Variants in CAMTA1 observed in about 807,000 individuals in gnomAD.
CAMTA1 encodes calmodulin binding transcription activator 1, also known as calmodulin-binding transcription activator 1.
A neutral mutation model predicts 170.9 loss-of-function variants in CAMTA1; 27 were observed. That is an observed-to-expected ratio of 0.16 (90% CI 0.12 to 0.22). The LOEUF is 0.22. Ranked by LOEUF, CAMTA1 falls within the 10% of genes least tolerant of loss-of-function variation. The pLI is 1.00. For missense variants in CAMTA1, 1,619 were observed against 2,217.2 expected (o/e 0.73, Z 5.42); for synonymous variants, 833 against 891.5 (o/e 0.93, Z 1.17).
At chr1:6,842,284 C>T (rs950761452) in intron 3 of CAMTA1, among the ~76,000 whole-genome samples, 2 of 152,214 alleles carry the variant, frequency 1.3e-5, no homozygotes, top group Admixed American at 1.3e-4. Context: ...TGTTTAGGAA[C>T]AAGTGGGCGT....
chr1:6,982,029 T>C (rs1421920484), intron 3 of CAMTA1, among the ~76,000 whole-genome samples: 1 of 152,234 alleles, frequency 6.6e-6, no homozygotes, highest in Non-Finnish European at 1.5e-5. Flanking sequence ...TTTTTTGACA[T>C]TTAATACATG....
At position 7,558,697 on chromosome 1, in the gene CAMTA1, A is replaced by T. The variant is rs1403761414; in HGVS notation, c.511-81703A>T. ...CCCGCTCTGCGGGTCTGGGGTGCAG[A>T]GGAGAAGCAGGGGCTTCCGCCACCC... On this transcript the variant is annotated intron_variant, in intron 6 of 22. Transcript: ENST00000303635. 5.8e-4 allele frequency among the ~76,000 whole-genome samples: 88 copies of T among 152,308 alleles called. 2 individuals are homozygous for T. Among genetic ancestry groups the T allele is most frequent in the Admixed American group, 5.7e-3 (87 of 15,302 alleles).
rs1383453794 is a variant in CAMTA1 at position 7,565,991 on chromosome 1, G to T, written c.511-74409G>T. On this transcript the variant is annotated intron_variant, in intron 6 of 22. Transcript: ENST00000303635. This position sits in a 1 kb window ranked among gnomAD's most constrained non-coding sequence, Gnocchi z 4.5. ...AAGTCTTCCAATCCTATTGGATTAG[G>T]ACCCTGGCCCCATGGCTTCATTGAA... 1.3e-5 allele frequency among the ~76,000 whole-genome samples: 2 copies of T among 152,206 alleles called. No homozygotes were observed. Among genetic ancestry groups the T allele is most frequent in the South Asian group, 4.1e-4 (2 of 4,820 alleles).
intron 2 of CAMTA1, among the ~76,000 whole-genome samples, chr1:6,823,052 A>G (rs1646700125): frequency 6.6e-6 from 1 of 152,210 alleles, no homozygotes; most frequent in Non-Finnish European, 1.5e-5. Flanking sequence ...CAACCAGTAT[A>G]GTGCCGTTTT....
At chr1:7,553,143 A>G (rs2094826492) in intron 6 of CAMTA1, among the ~76,000 whole-genome samples, 1 of 152,112 alleles carries the variant, frequency 6.6e-6, no homozygotes, top group African/African-American at 2.4e-5. Flanking sequence ...GAATGAGTGA[A>G]TGAATGAATG....
At chr1:7,619,904 G>A (rs2095585941) in intron 6 of CAMTA1, among the ~76,000 whole-genome samples, 1 of 152,182 alleles carries the variant, frequency 6.6e-6, no homozygotes. Flanking sequence ...CCTGCCTCGG[G>A]AGAAATGAAT....
intron 6 of CAMTA1, among the ~76,000 whole-genome samples, chr1:7,473,086 CA>C (rs2093361300): frequency 6.6e-6 from 1 of 152,178 alleles, no homozygotes; most frequent in Non-Finnish European, 1.5e-5. Flanking sequence ...TCCAGATCCC[CA>C]AATCAGTGGG....
chr1:7,458,717 C>T (rs1383555629), intron 5 of CAMTA1, among the ~76,000 whole-genome samples: 1 of 152,218 alleles, frequency 6.6e-6, no homozygotes, highest in Non-Finnish European at 1.5e-5. Context: ...TCCAGGCCAG[C>T]CCTCTTGCTG....
intron 12 of CAMTA1, among the ~76,000 whole-genome samples, chr1:7,733,972 G>A (rs146632287): frequency 3.3e-4 from 50 of 152,034 alleles, no homozygotes; most frequent in Non-Finnish European, 5.9e-4. Context: ...TTTTTGACAC[G>A]AAGTCTTGCT....
chr1:7,569,230 C>G (rs1258920635), intron 6 of CAMTA1, among the ~76,000 whole-genome samples: 1 of 149,038 alleles, frequency 6.7e-6, no homozygotes, highest in African/African-American at 2.6e-5. Flanking sequence ...CATCCATCAT[C>G]ATCACCATCA....
intron 11 of CAMTA1, among the ~76,000 whole-genome samples, chr1:7,701,558 G>C (rs1388104203): frequency 6.6e-6 from 1 of 151,876 alleles, no homozygotes; most frequent in African/African-American, 2.4e-5. Flanking sequence ...TAGGACTACA[G>C]ACACACACCA....
chr1:7,074,134 G>T (rs1445305339), intron 3 of CAMTA1, among the ~76,000 whole-genome samples: 10 of 152,186 alleles, frequency 6.6e-5, no homozygotes, highest in Admixed American at 6.5e-4. Context: ...CCCTCCTGGG[G>T]TTGGAAGTCA....
At chr1:7,686,314 A>T (rs2096257251) in intron 11 of CAMTA1, among the ~76,000 whole-genome samples, 1 of 152,152 alleles carries the variant, frequency 6.6e-6, no homozygotes, top group African/African-American at 2.4e-5. Flanking sequence ...GCTGCTTTAT[A>T]GGCCAGGAGA....
chr1:6,940,435 G>A (rs1686242847), intron 3 of CAMTA1, among the ~76,000 whole-genome samples: 1 of 152,168 alleles, frequency 6.6e-6, no homozygotes, highest in Admixed American at 6.5e-5. Flanking sequence ...CCCCCACACT[G>A]GGGAGGAAGC....
At chr1:7,052,462 A>G (rs1466509174) in intron 3 of CAMTA1, among the ~76,000 whole-genome samples, 1 of 151,974 alleles carries the variant, frequency 6.6e-6, no homozygotes, top group East Asian at 1.9e-4. Flanking sequence ...CCCAGTGTCT[A>G]CAGTCCAGCC....
intron 3 of CAMTA1, among the ~76,000 whole-genome samples, chr1:7,034,996 C>A (rs1703378389): frequency 1.3e-5 from 2 of 152,130 alleles, no homozygotes. Flanking sequence ...CACACAAATG[C>A]TTTTCTTCAA....
At chr1:7,431,384 C>T (rs2092145308) in intron 5 of CAMTA1, among the ~76,000 whole-genome samples, 2 of 152,212 alleles carry the variant, frequency 1.3e-5, no homozygotes, top group Admixed American at 1.3e-4. Flanking sequence ...ACGACTGACC[C>T]TACCCCAGAG....
intron 4 of CAMTA1, among the ~76,000 whole-genome samples, chr1:7,104,373 C>CAT (rs1265525413): frequency 6.7e-6 from 1 of 150,184 alleles, no homozygotes; most frequent in Non-Finnish European, 1.5e-5. Flanking sequence ...TACACATACA[C>CAT]ACACACACAC....
chr1:7,322,369 T>C (rs1015446800), intron 5 of CAMTA1, among the ~76,000 whole-genome samples: 9 of 152,226 alleles, frequency 5.9e-5, no homozygotes, highest in African/African-American at 2.2e-4. Context: ...AAGGGAGAGA[T>C]GGTAAATGTT....
Sources: gnomAD v4.1 joint callset for allele counts (sites outside exome capture counted in the v4.1 genomes callset) on GRCh38, gnomAD v4.1.1 for gene constraint, Gnocchi (gnomAD v3.1) non-coding constraint, MANE v1.5 for transcripts, NCBI Gene and HGNC (gene_info 2026-07-23, HGNC 2026-07-21) for gene names.